Variants in EPM2A observed in about 807,000 individuals in gnomAD.
EPM2A encodes laforin.
EPM2A carries 21 observed loss-of-function variants against 26.5 expected under a neutral mutation model. The ratio of observed to expected loss-of-function variants is 0.79; its 90% confidence interval spans 0.56 to 1.14. EPM2A has a LOEUF of 1.14. Ranked by LOEUF, EPM2A falls within the 50% of genes most tolerant of loss-of-function variation. The probability of loss-of-function intolerance (pLI) is 0.00; values close to 1 mark genes in which losing one functional copy is unlikely to be tolerated. For synonymous variants in EPM2A, 217 were observed against 177.6 expected (o/e 1.22, Z -1.76); for missense variants, 458 against 440.8 (o/e 1.04, Z -0.35).
At chr6:145,547,963 C>A (rs1780607419) in intron 2 of EPM2A, among the ~76,000 whole-genome samples, 1 of 152,090 alleles carries the variant, frequency 6.6e-6, no homozygotes, top group African/African-American at 2.4e-5. Context: ...CTAGTAACGA[C>A]CCCAAAACTA....
chr6:145,690,233 G>C (rs1458750533), intron 1 of EPM2A, among the ~76,000 whole-genome samples: 2 of 152,218 alleles, frequency 1.3e-5, no homozygotes, highest in Admixed American at 6.5e-5. Flanking sequence ...ACCTCAGGCC[G>C]GGCACGGTGG....
intron 4 of EPM2A, among the ~76,000 whole-genome samples, chr6:145,484,177 G>A (rs1395066714): frequency 1.3e-5 from 2 of 152,018 alleles, no homozygotes; most frequent in Admixed American, 1.3e-4. Context: ...CTGTTCTTCT[G>A]TAATGATTTA....
At chr6:145,489,877 T>C in intron 4 of EPM2A, 1 of 1,391,864 alleles carries the variant, frequency 7.2e-7, no homozygotes, top group South Asian at 1.2e-5. Flanking sequence ...AAAGTGAAGC[T>C]TCTCTACGTG....
chr6:145,590,219 C>A (rs1781253985), intron 2 of EPM2A, among the ~76,000 whole-genome samples: 1 of 152,082 alleles, frequency 6.6e-6, no homozygotes, highest in Non-Finnish European at 1.5e-5. Flanking sequence ...GGTTTTACCT[C>A]TAGGAATCTC....
chr6:145,458,135 T>C (rs902232410), intron 4 of EPM2A, among the ~76,000 whole-genome samples: 7 of 152,228 alleles, frequency 4.6e-5, no homozygotes, highest in Non-Finnish European at 1.0e-4. Context: ...TTTCAAGGAA[T>C]TCCCAATGTT....
At chr6:145,415,484 ATAT>A (rs1386831770) in intron 4 of EPM2A, among the ~76,000 whole-genome samples, 2 of 152,180 alleles carry the variant, frequency 1.3e-5, no homozygotes, top group African/African-American at 4.8e-5. Context: ...GATTTTGCAC[ATAT>A]TAGTTAAGTC....
intron 1 of EPM2A, among the ~76,000 whole-genome samples, chr6:145,701,013 G>C (rs1700241494): frequency 6.6e-6 from 1 of 152,180 alleles, no homozygotes; most frequent in South Asian, 2.1e-4. Context: ...ACAGCTAGTT[G>C]AAATGGAGGA....
chr6:145,695,071 A>G (rs544102864), intron 1 of EPM2A, among the ~76,000 whole-genome samples: 8 of 152,186 alleles, frequency 5.3e-5, no homozygotes, highest in Non-Finnish European at 1.0e-4. Context: ...GAGTTAAAAG[A>G]CAAAACTATT....
intron 1 of EPM2A, chr6:145,722,704 T>C (rs2128639705): frequency 4.5e-6 from 2 of 441,138 alleles, no homozygotes; most frequent in Non-Finnish European, 9.0e-6. Context: ...AATGTGATCT[T>C]ATTTGAAGAT....
chr6:145,394,438 A>G (rs773236186), intron 4 of EPM2A, among the ~76,000 whole-genome samples: 1 of 152,106 alleles, frequency 6.6e-6, no homozygotes, highest in Admixed American at 6.5e-5. Flanking sequence ...ATTACCATAC[A>G]GATAGAGCCC....
chr6:145,401,999 A>G (rs1046535592), intron 4 of EPM2A, among the ~76,000 whole-genome samples: 2 of 152,184 alleles, frequency 1.3e-5, no homozygotes, highest in Admixed American at 1.3e-4. Context: ...GACAATCATC[A>G]GAAAAATAAT....
intron 1 of EPM2A, among the ~76,000 whole-genome samples, chr6:145,701,706 T>C (rs1010140897): frequency 6.6e-6 from 1 of 152,198 alleles, no homozygotes; most frequent in Non-Finnish European, 1.5e-5. Flanking sequence ...GTGATAGTGA[T>C]GCACTGGAAC....
intron 2 of EPM2A, among the ~76,000 whole-genome samples, chr6:145,564,477 T>C (rs980294765): frequency 2.6e-5 from 4 of 152,154 alleles, no homozygotes; most frequent in African/African-American, 9.7e-5. Context: ...AGAAGCAAAG[T>C]TGAGAAATCA....
chr6:145,462,555 G>T (rs930533717), intron 4 of EPM2A, among the ~76,000 whole-genome samples: 1 of 152,094 alleles, frequency 6.6e-6, no homozygotes. Context: ...TAAAAGCAAT[G>T]AATCTTGCTC....
At chr6:145,402,899 G>T (rs76142479) in intron 4 of EPM2A, among the ~76,000 whole-genome samples, 4 of 152,046 alleles carry the variant, frequency 2.6e-5, no homozygotes, top group Non-Finnish European at 4.4e-5. Context: ...GAAGTGAGAC[G>T]TCTATTCTAA....
At chr6:145,567,394 A>G (rs1044619274) in intron 2 of EPM2A, among the ~76,000 whole-genome samples, 2 of 152,206 alleles carry the variant, frequency 1.3e-5, no homozygotes, top group Non-Finnish European at 2.9e-5. Flanking sequence ...GGCCTAAAAC[A>G]ACAAAAGTTT....
At chr6:145,422,605 C>T (rs188578915) in intron 4 of EPM2A, among the ~76,000 whole-genome samples, 16 of 152,132 alleles carry the variant, frequency 1.1e-4, no homozygotes, top group Admixed American at 1.0e-3. Context: ...ACTGACCTCA[C>T]TGACCATCAG....
chr6:145,401,184 C>A (rs1165988085), intron 4 of EPM2A, among the ~76,000 whole-genome samples: 1 of 148,252 alleles, frequency 6.7e-6, no homozygotes, highest in African/African-American at 2.4e-5. Context: ...AAAAAAACAC[C>A]TAAAGCCCAA....
At chr6:145,521,046 G>T (rs937484133) in intron 2 of EPM2A, among the ~76,000 whole-genome samples, 13 of 152,196 alleles carry the variant, frequency 8.5e-5, no homozygotes, top group Non-Finnish European at 4.4e-5. Context: ...CAGGCAAAAG[G>T]AGAGATTGCA....
Sources: allele counts gnomAD v4.1 joint callset (sites outside exome capture counted in the v4.1 genomes callset), GRCh38; gene constraint gnomAD v4.1.1; transcripts MANE v1.5; gene names NCBI Gene and HGNC (gene_info 2026-07-23, HGNC 2026-07-21).